The following CCSER1 variants were observed in gnomAD, a reference collection of about 807,000 sequenced individuals.
CCSER1 encodes serine-rich coiled-coil domain-containing protein 1.
In CCSER1, 41 loss-of-function variants were observed where a neutral mutation model predicts 82.0. That is an observed-to-expected ratio of 0.50 (90% CI 0.39 to 0.65). The LOEUF is 0.65. CCSER1 is among the 30% of genes least tolerant of loss of function. CCSER1 has a pLI of 0.00. For missense variants in CCSER1, 1,119 were observed against 1,064.2 expected (o/e 1.05, Z -0.72); for synonymous variants, 414 against 383.9 (o/e 1.08, Z -0.92).
chr4:91,443,970 A>G (rs1755386633), intron 10 of CCSER1, among the ~76,000 whole-genome samples: 1 of 152,008 alleles, frequency 6.6e-6, no homozygotes, highest in African/African-American at 2.4e-5. Flanking sequence ...TACTGAAATT[A>G]TATGTCCTGG....
chr4:90,436,721 A>C (rs1179448507), intron 4 of CCSER1, among the ~76,000 whole-genome samples: 1 of 152,208 alleles, frequency 6.6e-6, no homozygotes, highest in Non-Finnish European at 1.5e-5. Flanking sequence ...AGAGTATATG[A>C]CATATAATTA....
At chr4:91,343,598 C>T (rs769174738) in intron 10 of CCSER1, among the ~76,000 whole-genome samples, 2 of 152,098 alleles carry the variant, frequency 1.3e-5, no homozygotes, top group Middle Eastern at 3.2e-3. Context: ...ATTTAAGGAA[C>T]GTTTATTTAC....
At chr4:90,397,924 G>A (rs1294013389) in intron 3 of CCSER1, among the ~76,000 whole-genome samples, 1 of 152,166 alleles carries the variant, frequency 6.6e-6, no homozygotes, top group Non-Finnish European at 1.5e-5. Flanking sequence ...GTCCTTCACT[G>A]CTTTCTAAGT....
At chr4:90,839,662 A>G (rs924445102) in intron 8 of CCSER1, among the ~76,000 whole-genome samples, 7 of 152,212 alleles carry the variant, frequency 4.6e-5, no homozygotes, top group Admixed American at 6.5e-5. Flanking sequence ...AAGAGAGACT[A>G]TTGGAAAGGC....
intron 10 of CCSER1, among the ~76,000 whole-genome samples, chr4:91,327,315 G>T (rs1283398001): frequency 3.3e-5 from 5 of 152,184 alleles, no homozygotes; most frequent in Middle Eastern, 3.2e-3. Context: ...TGCACCCACA[G>T]GCCCAATACC....
chr4:91,508,538 A>G (rs958719342), intron 10 of CCSER1, among the ~76,000 whole-genome samples: 4 of 150,658 alleles, frequency 2.7e-5, no homozygotes, highest in Admixed American at 6.6e-5. Context: ...TCTGAATCCA[A>G]TAAAAGTTAC....
chr4:90,226,231 T>C (rs971427729), intron 1 of CCSER1, among the ~76,000 whole-genome samples: 1 of 152,256 alleles, frequency 6.6e-6, no homozygotes, highest in Non-Finnish European at 1.5e-5. Flanking sequence ...CAGCTGAGCC[T>C]TGCTCAGATT....
intron 10 of CCSER1, among the ~76,000 whole-genome samples, chr4:91,580,504 A>G (rs1356127357): frequency 6.6e-6 from 1 of 151,756 alleles, no homozygotes; most frequent in African/African-American, 2.4e-5. Flanking sequence ...TATGGTTAGA[A>G]AATTGACCTG....
At chr4:90,192,027 T>C (rs1232527746) in intron 1 of CCSER1, among the ~76,000 whole-genome samples, 1 of 151,996 alleles carries the variant, frequency 6.6e-6, no homozygotes, top group Non-Finnish European at 1.5e-5. Flanking sequence ...AATGGAGAGA[T>C]TGTGTGTATT....
At chr4:90,286,063 C>G (rs1729831169) in intron 1 of CCSER1, among the ~76,000 whole-genome samples, 1 of 151,894 alleles carries the variant, frequency 6.6e-6, no homozygotes, top group Non-Finnish European at 1.5e-5. Context: ...ATTTCTGTAT[C>G]TATGTTCACT....
At chr4:91,378,365 ATTC>A (rs1290761869) in intron 10 of CCSER1, among the ~76,000 whole-genome samples, 1 of 152,156 alleles carries the variant, frequency 6.6e-6, no homozygotes. Flanking sequence ...CACGATATTG[ATTC>A]TTCTTACCCA....
chr4:91,379,156 G>A (rs1750671252), intron 10 of CCSER1, among the ~76,000 whole-genome samples: 1 of 151,936 alleles, frequency 6.6e-6, no homozygotes, highest in African/African-American at 2.4e-5. Flanking sequence ...AGTTTGCCAC[G>A]ATTTTATTGA....
At chr4:90,406,561 G>A (rs1753762820) in intron 4 of CCSER1, among the ~76,000 whole-genome samples, 1 of 151,592 alleles carries the variant, frequency 6.6e-6, no homozygotes, top group African/African-American at 2.4e-5. Context: ...AATATATGTT[G>A]TATTCATCAG....
chr4:90,479,915 T>C (rs1274960605), intron 5 of CCSER1, among the ~76,000 whole-genome samples: 5 of 152,234 alleles, frequency 3.3e-5, no homozygotes, highest in African/African-American at 4.8e-5. Flanking sequence ...CTGGGTCAAA[T>C]GGTATTTCTA....
At chr4:90,930,564 G>A (rs1386529582) in intron 9 of CCSER1, among the ~76,000 whole-genome samples, 2 of 151,722 alleles carry the variant, frequency 1.3e-5, no homozygotes, top group East Asian at 3.9e-4. Flanking sequence ...AGTGAGCCGA[G>A]ATCGTGCCAC....
chr4:90,907,484 A>G (rs1725674779), intron 8 of CCSER1, among the ~76,000 whole-genome samples: 1 of 152,092 alleles, frequency 6.6e-6, no homozygotes, highest in African/African-American at 2.4e-5. Flanking sequence ...CATCCTTTGG[A>G]TGAATCACCT....
intron 1 of CCSER1, among the ~76,000 whole-genome samples, chr4:90,159,750 A>T (rs181893519): frequency 6.6e-6 from 1 of 152,144 alleles, no homozygotes; most frequent in Non-Finnish European, 1.5e-5. Context: ...GGTGGTCAGT[A>T]TTCTGTTCAT....
At chr4:91,365,221 A>G (rs1749528249) in intron 10 of CCSER1, among the ~76,000 whole-genome samples, 1 of 152,172 alleles carries the variant, frequency 6.6e-6, no homozygotes, top group Non-Finnish European at 1.5e-5. Flanking sequence ...GTGATGTATT[A>G]ATGGGCTGAC....
chr4:90,317,599 A>G (rs533615461), intron 3 of CCSER1, among the ~76,000 whole-genome samples: 2 of 152,296 alleles, frequency 1.3e-5, no homozygotes, highest in Non-Finnish European at 2.9e-5. Flanking sequence ...TCCAGCTTGA[A>G]CAACAAAGTG....
Sources: gnomAD v4.1 joint callset for allele counts (sites outside exome capture counted in the v4.1 genomes callset) on GRCh38, gnomAD v4.1.1 for gene constraint, MANE v1.5 for transcripts, NCBI Gene and HGNC (gene_info 2026-07-23, HGNC 2026-07-21) for gene names.